PICALM: variants seen among roughly 807,000 people sequenced by gnomAD.
PICALM encodes the protein phosphatidylinositol binding clathrin assembly protein.
PICALM carries 40 observed loss-of-function variants against 80.5 expected under a neutral mutation model. The ratio of observed to expected loss-of-function variants is 0.50; its 90% CI spans 0.39 to 0.65. The LOEUF (loss-of-function observed/expected upper bound fraction) is 0.65, where lower values mean the gene tolerates loss of function less well. PICALM is among the 30% of genes least tolerant of loss of function. The pLI, the probability that PICALM is intolerant of heterozygous loss-of-function variation, is 0.00. For missense variants in PICALM, 676 were observed against 778.9 expected, an observed-to-expected ratio of 0.87 and a Z score of 1.57; for synonymous variants, 288 against 260.3, an observed-to-expected ratio of 1.11 and a Z score of -1.02.
intron 1 of PICALM, 52 bp downstream of exon 1, chr11:86,068,599 G>C: frequency 3.2e-6 from 5 of 1,557,982 alleles, no homozygotes; most frequent in Admixed American, 1.9e-5. Context: ...AGAAGGACGC[G>C]CGCGGGTCGC....
chr11:86,053,820 G>A (rs916190211), intron 1 of PICALM, among the ~76,000 whole-genome samples: 3 of 151,916 alleles, frequency 2.0e-5, no homozygotes, highest in South Asian at 2.1e-4. Context: ...TGCCCACCTC[G>A]GCCTCCCAAA....
At chr11:85,994,255 G>A (rs1235467900) in intron 12 of PICALM, among the ~76,000 whole-genome samples, 1 of 152,120 alleles carries the variant, frequency 6.6e-6, no homozygotes, top group Non-Finnish European at 1.5e-5. Flanking sequence ...TCAGATATTA[G>A]TATTCAATAC....
At chr11:86,040,406 T>C (rs911346713) in intron 1 of PICALM, among the ~76,000 whole-genome samples, 3 of 152,170 alleles carry the variant, frequency 2.0e-5, no homozygotes, top group African/African-American at 4.8e-5. Context: ...CCCCCTCTGT[T>C]GCCCAGGCTA....
At chr11:85,999,905 T>C (rs570777303) in intron 11 of PICALM, among the ~76,000 whole-genome samples, 45 of 152,320 alleles carry the variant, frequency 3.0e-4, no homozygotes, top group African/African-American at 1.1e-3. Context: ...AACTCTAGGA[T>C]TGGGACTCAG....
intron 1 of PICALM, among the ~76,000 whole-genome samples, chr11:86,067,037 AGCACTAAT>A (rs2096457499): frequency 6.6e-6 from 1 of 152,266 alleles, no homozygotes; most frequent in African/African-American, 2.4e-5. Flanking sequence ...GAAAGAATCA[AGCACTAAT>A]GCTTTTTTAT....
At chr11:85,982,494 C>G (rs1227089684) in intron 14 of PICALM, among the ~76,000 whole-genome samples, 1 of 133,788 alleles carries the variant, frequency 7.5e-6, no homozygotes, top group Admixed American at 8.1e-5. Context: ...GTGGCGCAAT[C>G]TCGGCTCACT....
At chr11:86,039,187 T>G (rs1485041221) in intron 1 of PICALM, among the ~76,000 whole-genome samples, 1 of 151,956 alleles carries the variant, frequency 6.6e-6, no homozygotes, top group Non-Finnish European at 1.5e-5. Context: ...TGTCACTGTG[T>G]TCTTAGCAAC....
At chr11:86,046,179 T>C (rs543482947) in intron 1 of PICALM, among the ~76,000 whole-genome samples, 51 of 152,302 alleles carry the variant, frequency 3.3e-4, no homozygotes, top group South Asian at 2.7e-3. Flanking sequence ...AGATTTTAAT[T>C]TGCCATCACT....
intron 19 of PICALM, among the ~76,000 whole-genome samples, chr11:85,959,634 A>AC (rs1491346070): frequency 4.0e-3 from 108 of 26,780 alleles, no homozygotes; most frequent in Non-Finnish European, 7.3e-3. Context: ...ACTCCATCTC[A>AC]AAAAAAAAAA....
intron 3 of PICALM, 40 bp downstream of exon 3, chr11:86,026,252 T>A (rs1170123747): frequency 9.2e-7 from 1 of 1,087,584 alleles, no homozygotes; most frequent in South Asian, 1.3e-5. Flanking sequence ...CATGTGGGTG[T>A]CATTCTTTTG....
At chr11:86,000,856 A>G (rs1019821661) in intron 10 of PICALM, 77 bp from the exon 11 acceptor site, 3 of 1,538,276 alleles carry the variant, frequency 2.0e-6, no homozygotes, top group Admixed American at 4.0e-5. Flanking sequence ...AGCATTTTCT[A>G]ATTTGTTCTG....
intron 18 of PICALM, among the ~76,000 whole-genome samples, chr11:85,975,046 CTT>C (rs35537378): frequency 6.6e-6 from 1 of 152,068 alleles, no homozygotes; most frequent in African/African-American, 2.4e-5. Flanking sequence ...CAAAGCCTAA[CTT>C]TTTCTATTCA....
chr11:86,017,297 A>C (rs1034612927), intron 4 of PICALM, among the ~76,000 whole-genome samples: 5 of 152,172 alleles, frequency 3.3e-5, no homozygotes, highest in Non-Finnish European at 5.9e-5. Flanking sequence ...TCCAAGATTA[A>C]AATATAAAAC....
At chr11:85,990,811 G>C (rs2094747090) in intron 12 of PICALM, among the ~76,000 whole-genome samples, 1 of 151,744 alleles carries the variant, frequency 6.6e-6, no homozygotes, top group South Asian at 2.1e-4. Context: ...AACTTTCAAA[G>C]AAAAAAAGAG....
chr11:86,023,361 G>T, intron 3 of PICALM: 1 of 674,448 alleles, frequency 1.5e-6, no homozygotes, highest in Non-Finnish European at 1.8e-6. Flanking sequence ...TACCAGTGGA[G>T]AAAAATCAGT....
At chr11:85,982,069 G>A (rs2094455893) in intron 14 of PICALM, 66 bp from the exon 15 acceptor site, 7 of 1,448,450 alleles carry the variant, frequency 4.8e-6, no homozygotes, top group East Asian at 2.3e-5. Context: ...TTTTCTAAAG[G>A]AGGTCTTTGC....
At chr11:86,034,850 T>G (rs527620738) in intron 1 of PICALM, among the ~76,000 whole-genome samples, 7 of 152,280 alleles carry the variant, frequency 4.6e-5, no homozygotes, top group Admixed American at 3.9e-4. Context: ...ACACAAATGC[T>G]CTTTTATTAT....
intron 1 of PICALM, among the ~76,000 whole-genome samples, chr11:86,056,697 T>C (rs189777678): frequency 2.4e-3 from 373 of 152,298 alleles, no homozygotes; most frequent in Non-Finnish European, 4.0e-3. Flanking sequence ...ACTGAAAATA[T>C]GTTCACACGA....
At chr11:85,981,605 T>TAAA in intron 16 of PICALM, 140 bp downstream of exon 16, 1 of 632,232 alleles carries the variant, frequency 1.6e-6, no homozygotes, top group Non-Finnish European at 2.7e-6. Flanking sequence ...AGACTCCGTG[T>TAAA]CAAAAAAAAA....
Sources: gnomAD v4.1 joint callset for allele counts (sites outside exome capture counted in the v4.1 genomes callset) on GRCh38, gnomAD v4.1.1 for gene constraint, MANE v1.5 for transcripts, NCBI Gene and HGNC (gene_info 2026-07-23, HGNC 2026-07-21) for gene names.